The following LIN7A variants were observed in gnomAD, a reference collection of about 807,000 sequenced individuals.
LIN7A encodes protein lin-7 homolog A.
Under a neutral mutation model 29.8 loss-of-function variants are expected in LIN7A, and 25 were observed. The ratio of observed to expected loss-of-function variants is 0.84; its 90% CI spans 0.61 to 1.17. The LOEUF (loss-of-function observed/expected upper bound fraction) is 1.17, where lower values mean the gene tolerates loss of function less well. LIN7A is among the 50% of genes most tolerant of loss of function. LIN7A has a pLI of 0.00. For missense variants in LIN7A, 239 were observed against 287.0 expected (o/e 0.83, Z 1.21); for synonymous variants, 118 against 107.5 (o/e 1.10, Z -0.60).
At chr12:80,834,216 G>T (rs1252872078) in intron 4 of LIN7A, among the ~76,000 whole-genome samples, 1 of 152,146 alleles carries the variant, frequency 6.6e-6, no homozygotes, top group Non-Finnish European at 1.5e-5. Flanking sequence ...GTAGTGCTGG[G>T]TGATAAGATA....
At chr12:80,873,545 GA>G (rs10718582) in intron 2 of LIN7A, among the ~76,000 whole-genome samples, 59,844 of 143,064 alleles carry the variant, frequency 0.42, 14,489 homozygotes, top group African/African-American at 0.68. Flanking sequence ...AAAAAAAAAA[GA>G]AAAAAAAAAA....
chr12:80,794,714 T>A lies in LIN7A; in HGVS notation c.*3013A>T, dbSNP rs1459548327. The A allele has an allele frequency of 6.6e-6, 1 of 152,190 alleles. No homozygotes were observed. The highest frequency in any genetic ancestry group is 2.4e-5 in the African/African-American group (1 of 41,450). 9.4% of individuals were successfully genotyped at this position (152,190 alleles called of 1,614,324 possible). On this transcript the variant is annotated 3_prime_UTR_variant, in exon 6 of 6. Coordinates refer to ENST00000552864, the MANE Select transcript of LIN7A (RefSeq NM_004664.4). ...AAGTATTGTCTTAAAAGACTGTGAT[T>A]GTTCACATAACTGGAGAATTCCCTA...
chr12:80,805,624 T>A (rs2121500306), intron 5 of LIN7A, among the ~76,000 whole-genome samples: 2 of 152,248 alleles, frequency 1.3e-5, no homozygotes, highest in South Asian at 4.1e-4. Context: ...TTTGAGAATC[T>A]GGGTGAAATA....
At chr12:80,854,705 C>T (rs184169042) in intron 2 of LIN7A, among the ~76,000 whole-genome samples, 8 of 151,988 alleles carry the variant, frequency 5.3e-5, no homozygotes, top group African/African-American at 1.7e-4. Flanking sequence ...GTGATTATTA[C>T]AGCTCTTAGA....
chr12:80,844,540 C>T (rs1029105666), intron 4 of LIN7A, among the ~76,000 whole-genome samples: 3 of 152,100 alleles, frequency 2.0e-5, no homozygotes, highest in Non-Finnish European at 4.4e-5. Flanking sequence ...AATCTGGCCA[C>T]AAATAACTGA....
rs951737611 is a variant in LIN7A at position 80,813,079 on chromosome 12, T to C, written c.484-1396A>G. Among the ~76,000 whole-genome samples the C allele has an allele frequency of 5.9e-5, 9 of 151,780 alleles. No homozygotes were observed. In the South Asian group the frequency reaches 6.2e-4, roughly 11 times the overall value. On this transcript the variant is annotated intron_variant, in intron 4 of 5. Coordinates refer to ENST00000552864, the MANE Select transcript of LIN7A (RefSeq NM_004664.4). ...AGGCTAGAGTGCAATGGCGCGATCTTGGCTCACTGCAAGCTCCGCCTCCCG... is the reference window on the plus strand; with the variant it reads ...AGGCTAGAGTGCAATGGCGCGATCTCGGCTCACTGCAAGCTCCGCCTCCCG...
intron 1 of LIN7A, among the ~76,000 whole-genome samples, chr12:80,918,848 G>A (rs1448959224): frequency 6.6e-6 from 1 of 152,214 alleles, no homozygotes; most frequent in Non-Finnish European, 1.5e-5. Flanking sequence ...TCAATGAGGA[G>A]CTGCATATAT....
At chr12:80,924,358 T>G (rs1877466509) in intron 1 of LIN7A, among the ~76,000 whole-genome samples, 2 of 152,230 alleles carry the variant, frequency 1.3e-5, no homozygotes, top group Non-Finnish European at 2.9e-5. Context: ...CTGAAGCCCA[T>G]GCAATCTTTC....
chr12:80,897,461 T>G (rs1031287440), intron 1 of LIN7A, among the ~76,000 whole-genome samples: 4 of 152,216 alleles, frequency 2.6e-5, no homozygotes, highest in African/African-American at 9.6e-5. Context: ...CTAGAACACC[T>G]GTCTCCTATC....
intron 4 of LIN7A, among the ~76,000 whole-genome samples, chr12:80,835,092 A>G (rs1327136818): frequency 1.3e-5 from 2 of 152,202 alleles, no homozygotes; most frequent in East Asian, 1.9e-4. Context: ...CAAGACAAAT[A>G]TTCTATTCAT....
chr12:80,873,150 C>G (rs797008806), intron 2 of LIN7A, among the ~76,000 whole-genome samples: 1 of 152,000 alleles, frequency 6.6e-6, no homozygotes, highest in East Asian at 1.9e-4. Context: ...GTGAAGCAAT[C>G]GTTAGGGAAA....
chr12:80,903,577 A>G (rs1565922893), intron 1 of LIN7A, among the ~76,000 whole-genome samples: 1 of 152,072 alleles, frequency 6.6e-6, no homozygotes, highest in Non-Finnish European at 1.5e-5. Context: ...TATATACCCC[A>G]TTATCTTTAC....
chr12:80,814,425 A>G (rs1199072500), intron 4 of LIN7A, among the ~76,000 whole-genome samples: 1 of 151,912 alleles, frequency 6.6e-6, no homozygotes, highest in African/African-American at 2.4e-5. Flanking sequence ...TGTTTTAATA[A>G]TGGTTCACCC....
intron 5 of LIN7A, among the ~76,000 whole-genome samples, chr12:80,803,200 C>A (rs1365013068): frequency 6.6e-6 from 1 of 152,128 alleles, no homozygotes; most frequent in Non-Finnish European, 1.5e-5. Flanking sequence ...TCCAATAAAT[C>A]TTTGCCCAAA....
At chr12:80,804,075 T>A (rs919207528) in intron 5 of LIN7A, among the ~76,000 whole-genome samples, 3 of 152,190 alleles carry the variant, frequency 2.0e-5, no homozygotes, top group Non-Finnish European at 4.4e-5. Context: ...TTTTTAAATT[T>A]TTTTAATTTT....
intron 4 of LIN7A, chr12:80,832,660 G>T: frequency 2.2e-6 from 1 of 448,064 alleles, no homozygotes. Flanking sequence ...CATGGCTCCA[G>T]GCCATCCCTT....
At chr12:80,845,460 A>G in intron 4 of LIN7A, 1 of 341,706 alleles carries the variant, frequency 2.9e-6, no homozygotes, top group Non-Finnish European at 5.2e-6. Context: ...TGTTACTTGG[A>G]GTATTATGGG....
At chr12:80,918,371 G>A (rs534311944) in intron 1 of LIN7A, among the ~76,000 whole-genome samples, 87 of 152,152 alleles carry the variant, frequency 5.7e-4, no homozygotes, top group African/African-American at 1.9e-3. Flanking sequence ...TTGAAAGGTG[G>A]ATTCCTGAAC....
chr12:80,927,130 C>G (rs1286192797), intron 1 of LIN7A, among the ~76,000 whole-genome samples: 1 of 147,136 alleles, frequency 6.8e-6, no homozygotes, highest in African/African-American at 2.5e-5. Context: ...TAAAGAGTTA[C>G]AGTAAACTAT....
Sources: gnomAD v4.1 joint callset for allele counts (sites outside exome capture counted in the v4.1 genomes callset) on GRCh38, gnomAD v4.1.1 for gene constraint, MANE v1.5 for transcripts, NCBI Gene and HGNC (gene_info 2026-07-23, HGNC 2026-07-21) for gene names.